Variants in PLEKHM3 observed in about 807,000 individuals in gnomAD.
The protein encoded by PLEKHM3 is pleckstrin homology domain containing M3.
Under a neutral mutation model 81.8 loss-of-function variants are expected in PLEKHM3, and 45 were observed. That is an observed-to-expected ratio of 0.55 (90% CI 0.43 to 0.71). The LOEUF (loss-of-function observed/expected upper bound fraction) is 0.71. Among genes scored for constraint, PLEKHM3 ranks in the 30% least tolerant of loss-of-function variants. PLEKHM3 has a pLI of 0.00. For missense variants in PLEKHM3, 788 were observed against 924.3 expected, an observed-to-expected ratio of 0.85 and a Z score of 1.91; for synonymous variants, 352 against 356.4, an observed-to-expected ratio of 0.99 and a Z score of 0.14.
At chr2:208,010,298 G>A (rs1272877383) in intron 1 of PLEKHM3, among the ~76,000 whole-genome samples, 20 of 152,192 alleles carry the variant, frequency 1.3e-4, no homozygotes, top group Admixed American at 1.2e-3. Flanking sequence ...ATTGCTTTGC[G>A]ACTGAAGGCA....
At chr2:207,900,849 T>A (rs1012021199) in intron 6 of PLEKHM3, 1 of 163,688 alleles carries the variant, frequency 6.1e-6, no homozygotes, top group African/African-American at 2.4e-5. Flanking sequence ...GCAAGACCGA[T>A]GCTAACCTTA....
chr2:207,842,684 G>A lies in PLEKHM3; in HGVS notation c.2109-14188C>T, dbSNP rs139906932. 4.7e-4 allele frequency among the ~76,000 whole-genome samples: 71 copies of A among 152,226 alleles called. No homozygotes were observed. In the East Asian group the frequency reaches 9.1e-3, roughly 19 times the overall value. ...GTTGGAACTTCTGTTTCCATTCTGC[G>A]TATTGGTAAATGTTGGATGGAACCG... On this transcript the variant is annotated intron_variant, in intron 7 of 7. Coordinates refer to ENST00000427836, the MANE Select transcript of PLEKHM3 (RefSeq NM_001080475.3).
intron 5 of PLEKHM3, among the ~76,000 whole-genome samples, chr2:207,921,768 C>G (rs1362268973): frequency 6.6e-6 from 1 of 152,196 alleles, no homozygotes; most frequent in Non-Finnish European, 1.5e-5. Flanking sequence ...GTATTTGTCT[C>G]TCTGTGCTTG....
intron 6 of PLEKHM3, among the ~76,000 whole-genome samples, chr2:207,882,500 T>C: frequency 6.6e-6 from 1 of 150,968 alleles, no homozygotes; most frequent in African/African-American, 2.4e-5. Flanking sequence ...TAATCGCAGT[T>C]ACCCGGGAGG....
intron 1 of PLEKHM3, among the ~76,000 whole-genome samples, chr2:208,017,619 T>C (rs1312063865): frequency 1.3e-5 from 2 of 152,144 alleles, no homozygotes; most frequent in African/African-American, 4.8e-5. Flanking sequence ...TAGGATACTT[T>C]CCCCTTCCTC....
intron 3 of PLEKHM3, among the ~76,000 whole-genome samples, chr2:207,960,672 C>G (rs1690697537): frequency 6.6e-6 from 1 of 152,178 alleles, no homozygotes. Flanking sequence ...GGGAAAGGCA[C>G]TCAGATGCAT....
At chr2:207,941,445 C>A (rs545487853) in intron 4 of PLEKHM3, among the ~76,000 whole-genome samples, 1 of 152,248 alleles carries the variant, frequency 6.6e-6, no homozygotes, top group Non-Finnish European at 1.5e-5. Flanking sequence ...TGAAACTAGA[C>A]CCCCTCAGGA....
Position 207,971,271 on chromosome 2 carries a change from T to TA in PLEKHM3, c.1546+5379dup, listed in dbSNP as rs546391461. 9.8e-5 allele frequency among the ~76,000 whole-genome samples: 15 copies of TA among 152,324 alleles called. No homozygotes were observed. The South Asian group carries it at 2.9e-3, about 29-fold the overall frequency. Reference sequence around the variant, plus strand: ...AGTGCCAAGAAAACTATGTATCTATTAAGTGCAAATAGGTAGGTACAAATG... The same window carrying TA: ...AGTGCCAAGAAAACTATGTATCTATTAAAGTGCAAATAGGTAGGTACAAATG... On this transcript the variant is annotated intron_variant, in intron 3 of 7. Coordinates refer to ENST00000427836, the MANE Select transcript of PLEKHM3 (RefSeq NM_001080475.3).
intron 5 of PLEKHM3, among the ~76,000 whole-genome samples, chr2:207,909,186 A>C (rs115454057): frequency 6.6e-6 from 1 of 152,210 alleles, no homozygotes; most frequent in African/African-American, 2.4e-5. Context: ...ATGGGACAAG[A>C]TATTTTAAAT....
intron 7 of PLEKHM3, among the ~76,000 whole-genome samples, chr2:207,858,180 A>ATTTT (rs58031514): frequency 0.26 from 26,585 of 103,514 alleles, 3,303 homozygotes; most frequent in Middle Eastern, 0.37. Flanking sequence ...GTGTGTATAT[A>ATTTT]TTTTTTTTTT....
intron 7 of PLEKHM3, among the ~76,000 whole-genome samples, chr2:207,845,433 C>T (rs2092377171): frequency 6.6e-6 from 1 of 152,160 alleles, no homozygotes; most frequent in Non-Finnish European, 1.5e-5. Context: ...TACTTATTTA[C>T]AGTCCCATGG....
intron 3 of PLEKHM3, among the ~76,000 whole-genome samples, chr2:207,968,704 C>T (rs1691009373): frequency 6.6e-6 from 1 of 152,202 alleles, no homozygotes; most frequent in Non-Finnish European, 1.5e-5. Context: ...AAGGACTCTA[C>T]TATAAGCAAG....
At chr2:207,926,534 A>G (rs1424857334) in intron 5 of PLEKHM3, among the ~76,000 whole-genome samples, 1 of 152,172 alleles carries the variant, frequency 6.6e-6, no homozygotes, top group Non-Finnish European at 1.5e-5. Flanking sequence ...ATTGCCATGT[A>G]TGCCCAGATT....
chr2:207,982,011 C>T (rs1377108373), intron 2 of PLEKHM3, among the ~76,000 whole-genome samples: 1 of 152,100 alleles, frequency 6.6e-6, no homozygotes, highest in Non-Finnish European at 1.5e-5. Flanking sequence ...GAAGACCAGC[C>T]CCTTCTCTTC....
chr2:207,857,282 T>G (rs2092441825), intron 7 of PLEKHM3, among the ~76,000 whole-genome samples: 2 of 152,240 alleles, frequency 1.3e-5, no homozygotes, highest in Non-Finnish European at 2.9e-5. Flanking sequence ...CCCTTATCCT[T>G]GCAGATTCTT....
chr2:207,825,162 C>T lies in PLEKHM3; in HGVS notation c.*3157G>A, dbSNP rs555628559. ...ATTCCAGTTGACGGCTTTTTAAGTA[C>T]TTTGTGGCCTTCCTGCCGCGGTGCA... On this transcript the variant is annotated 3_prime_UTR_variant, in exon 8 of 8. Transcript: ENST00000427836. 1 of 152,164 alleles carries T rather than the reference C, an allele frequency of 6.6e-6. No individual in the cohort carries two copies. Among genetic ancestry groups the T allele is most frequent in the African/African-American group, 2.4e-5 (1 of 41,518 alleles). 9.4% of individuals were successfully genotyped at this position (152,164 alleles called of 1,614,324 possible).
At chr2:207,875,286 T>C (rs2092554846) in intron 6 of PLEKHM3, among the ~76,000 whole-genome samples, 1 of 152,124 alleles carries the variant, frequency 6.6e-6, no homozygotes, top group Non-Finnish European at 1.5e-5. Context: ...TGGCCAATAA[T>C]GATATTAAAA....
intron 6 of PLEKHM3, among the ~76,000 whole-genome samples, chr2:207,889,842 C>T (rs922848163): frequency 3.3e-5 from 5 of 152,222 alleles, no homozygotes; most frequent in East Asian, 1.9e-4. Context: ...CTCGCTCTGT[C>T]GCCCAGGCTT....
intron 1 of PLEKHM3, among the ~76,000 whole-genome samples, chr2:208,024,499 A>T (rs2106139544): frequency 6.6e-6 from 1 of 152,312 alleles, no homozygotes; most frequent in African/African-American, 2.4e-5. Flanking sequence ...GTCTACTGAT[A>T]TTTTTAGAGA....
Sources: gnomAD v4.1 joint callset for allele counts (sites outside exome capture counted in the v4.1 genomes callset) on GRCh38, gnomAD v4.1.1 for gene constraint, MANE v1.5 for transcripts, NCBI Gene and HGNC (gene_info 2026-07-23, HGNC 2026-07-21) for gene names.